The following UGT1A8 variants were observed in gnomAD, a reference collection of about 807,000 sequenced individuals.
The protein encoded by UGT1A8 is UDP glucuronosyltransferase family 1 member A8.
UGT1A8 carries 39 observed loss-of-function variants against 45.3 expected under a neutral mutation model. That is an observed-to-expected ratio of 0.86 (90% CI 0.67 to 1.12). The LOEUF (loss-of-function observed/expected upper bound fraction) is 1.12. Ranked by LOEUF, UGT1A8 falls within the 50% of genes most tolerant of loss-of-function variation. UGT1A8 has a pLI of 0.00. For synonymous variants in UGT1A8, 275 were observed against 249.2 expected (o/e 1.10, Z -0.97); for missense variants, 719 against 664.9 (o/e 1.08, Z -0.90).
chr2:233,623,257 G>A (rs933834501), intron 1 of UGT1A8, among the ~76,000 whole-genome samples: 2 of 152,202 alleles, frequency 1.3e-5, no homozygotes, highest in African/African-American at 4.8e-5. Flanking sequence ...TTCCAATTCT[G>A]TGAAGAAAGT....
At position 233,743,406 on chromosome 2, in the gene UGT1A8, C is replaced by T. The variant is rs904424565; in HGVS notation, c.856-23628C>T. 16 of 1,310,784 alleles carry T rather than the reference C, an allele frequency of 1.2e-5. No individual in the cohort carries two copies. In the Admixed American group the frequency reaches 2.0e-4, roughly 16 times the overall value. The allele number at this position is 1,310,784 out of a possible 1,614,324, so 81.2% of individuals were successfully genotyped here. A position where few individuals can be genotyped will look rare whatever the true frequency, so the allele number is the denominator to read the frequency against. On this transcript the variant is annotated intron_variant, in intron 1 of 4. Transcript: ENST00000373450. ...AGGACATGCAGAAGGAAGAAAGGCC[C>T]CCACTTCCCAGGGAGCCAAAGGAAC...
intron 1 of UGT1A8, chr2:233,718,950 ATGCGGGAGGCCT>A (rs1337113701): frequency 6.2e-7 from 1 of 1,614,178 alleles, no homozygotes. Flanking sequence ...CTGGCTCAGC[ATGCGGGAGGCCT>A]TGCGGGAGCT....
chr2:233,718,866 C>G (rs2125663221), intron 1 of UGT1A8: 8 of 1,613,892 alleles, frequency 5.0e-6, no homozygotes, highest in South Asian at 1.1e-5. Context: ...GGCCACAGGA[C>G]TGCTGCTCCT....
At chr2:233,685,738 T>A (rs1249297819) in intron 1 of UGT1A8, among the ~76,000 whole-genome samples, 1 of 152,232 alleles carries the variant, frequency 6.6e-6, no homozygotes, top group Non-Finnish European at 1.5e-5. Flanking sequence ...TCTTTCTCCA[T>A]TTTTTCTTCC....
At chr2:233,665,605 G>T (rs2074059936) in intron 1 of UGT1A8, among the ~76,000 whole-genome samples, 1 of 152,242 alleles carries the variant, frequency 6.6e-6, no homozygotes, top group African/African-American at 2.4e-5. Flanking sequence ...TTTAGCATTG[G>T]TTGGTTTGAA....
At chr2:233,621,860 C>T (rs568304331) in intron 1 of UGT1A8, among the ~76,000 whole-genome samples, 1 of 152,202 alleles carries the variant, frequency 6.6e-6, no homozygotes, top group Admixed American at 6.5e-5. Context: ...AGGTATTTCT[C>T]CTAATGCTAT....
At chr2:233,767,242 A>G in intron 2 of UGT1A8, 77 bp downstream of exon 2, 1 of 1,606,336 alleles carries the variant, frequency 6.2e-7, no homozygotes, top group African/African-American at 1.3e-5. Context: ...TTCCAGATTA[A>G]TTCTCTTAAT....
chr2:233,729,038 G>T (rs2077778879), intron 1 of UGT1A8: 2 of 1,604,346 alleles, frequency 1.2e-6, no homozygotes, highest in South Asian at 2.2e-5. Flanking sequence ...TTGCTAAGTG[G>T]CTCAGTGACA....
chr2:233,663,206 C>A (rs995388596), intron 1 of UGT1A8, among the ~76,000 whole-genome samples: 7 of 152,044 alleles, frequency 4.6e-5, no homozygotes, highest in Admixed American at 3.3e-4. Flanking sequence ...TAGACAGAGT[C>A]AATATAACAA....
In UGT1A8 at chr2:233,644,774, T is replaced by G. The variant is rs182499623; in HGVS notation, c.855+26212T>G. ...GGGTGACATAGGAGATGCAGAACTT[T>G]TTTTTTTCTATTTCTTCAGTGTCTC... On this transcript the variant is annotated intron_variant, in intron 1 of 4. Transcript: ENST00000373450. 1.6e-3 allele frequency among the ~76,000 whole-genome samples: 237 copies of G among 152,194 alleles called. 1 individual carries two copies. Among genetic ancestry groups the G allele is most frequent in the African/African-American group, 5.3e-3 (221 of 41,518 alleles).
At chr2:233,662,992 A>C (rs1284877351) in intron 1 of UGT1A8, among the ~76,000 whole-genome samples, 1 of 152,220 alleles carries the variant, frequency 6.6e-6, no homozygotes, top group African/African-American at 2.4e-5. Context: ...CACATAGCAT[A>C]AACCTTGTCA....
At chr2:233,670,046 C>T (rs2074150857) in intron 1 of UGT1A8, among the ~76,000 whole-genome samples, 1 of 152,086 alleles carries the variant, frequency 6.6e-6, no homozygotes, top group South Asian at 2.1e-4. Flanking sequence ...CACTAGAAGC[C>T]TTACCAATAA....
At chr2:233,726,272 G>A (rs896187781) in intron 1 of UGT1A8, among the ~76,000 whole-genome samples, 1 of 152,166 alleles carries the variant, frequency 6.6e-6, no homozygotes, top group African/African-American at 2.4e-5. Flanking sequence ...ATGCGCCTAT[G>A]GTCCCAGGTA....
intron 1 of UGT1A8, chr2:233,760,208 A>C: frequency 6.3e-7 from 1 of 1,589,248 alleles, no homozygotes; most frequent in African/African-American, 1.4e-5. Context: ...TCAAACATTA[A>C]CTTGGTGTAT....
chr2:233,659,804 A>C (rs2073930328), intron 1 of UGT1A8, among the ~76,000 whole-genome samples: 1 of 152,226 alleles, frequency 6.6e-6, no homozygotes, highest in African/African-American at 2.4e-5. Flanking sequence ...TACAATTTGC[A>C]AAAGAAGTCA....
chr2:233,682,031 C>A lies in UGT1A8; in HGVS notation c.855+63469C>A, dbSNP rs145424374. The A allele has an allele frequency of 6.2e-6, 10 of 1,613,956 alleles. No homozygotes were observed. The highest frequency in any genetic ancestry group is 2.7e-5 in the African/African-American group (2 of 74,898). On this transcript the variant is annotated intron_variant, in intron 1 of 4. Transcript: ENST00000373450. Reference sequence around the variant, plus strand: ...CAAGGCAGGGAAGCTGCTGGTAGTGCCCATGGATGGGAGCCACTGGTTCAC... The same window carrying A: ...CAAGGCAGGGAAGCTGCTGGTAGTGACCATGGATGGGAGCCACTGGTTCAC...
At chr2:233,717,415 G>A (rs565971108) in intron 1 of UGT1A8, among the ~76,000 whole-genome samples, 4 of 152,300 alleles carry the variant, frequency 2.6e-5, no homozygotes, top group African/African-American at 9.6e-5. Flanking sequence ...TGCCTCCCTT[G>A]AGCTGGGTGT....
intron 1 of UGT1A8, among the ~76,000 whole-genome samples, chr2:233,641,602 G>A (rs1390410084): frequency 6.6e-6 from 1 of 152,198 alleles, no homozygotes; most frequent in African/African-American, 2.4e-5. Context: ...TTACCAGTGA[G>A]TTTTGTACCT....
intron 1 of UGT1A8, chr2:233,636,333 C>T (rs953701375): frequency 1.9e-6 from 2 of 1,040,186 alleles, no homozygotes; most frequent in Non-Finnish European, 2.6e-6. Flanking sequence ...AAGTAGGTAT[C>T]TCAGCAAATG....
Sources: allele counts gnomAD v4.1 joint callset (sites outside exome capture counted in the v4.1 genomes callset), GRCh38; gene constraint gnomAD v4.1.1; transcripts MANE v1.5; gene names NCBI Gene and HGNC (gene_info 2026-07-23, HGNC 2026-07-21).